TICAM1: variants seen among roughly 807,000 people sequenced by gnomAD.
TICAM1 encodes TIR domain-containing adapter molecule 1.
For missense variants in TICAM1, 895 were observed against 938.2 expected (o/e 0.95, Z 0.60); for synonymous variants, 439 against 415.4 (o/e 1.06, Z -0.69).
chr19:4,823,185 C>G (rs2093600472), intron 1 of TICAM1, among the ~76,000 whole-genome samples: 1 of 151,940 alleles, frequency 6.6e-6, no homozygotes, highest in Non-Finnish European at 1.5e-5. Context: ...CCAGGCATGG[C>G]CAGGCGCAGT....
chr19:4,825,197 T>C (rs2093603706), intron 1 of TICAM1, among the ~76,000 whole-genome samples: 1 of 151,586 alleles, frequency 6.6e-6, no homozygotes, highest in African/African-American at 2.4e-5. Flanking sequence ...GGAGAATTGC[T>C]GGAACCCGGG....
Position 4,818,301 on chromosome 19 carries a change from A to G in TICAM1, c.77T>C (p.Leu26Pro). 6.2e-7 allele frequency: 1 copy of G among 1,612,748 alleles called. No individual in the cohort carries two copies. Among genetic ancestry groups the G allele is most frequent in the Non-Finnish European group, 8.5e-7 (1 of 1,179,978 alleles). ...GAAGQDKLLYLKHKLKTPRPG... is the reference protein window; with the variant it reads ...GAAGQDKLLYPKHKLKTPRPG... ...GCGTGGGGTCTTCAGTTTGTGCTTC[A>G]GATACAAGAGCTTGTCCTGGCCTGC... The change falls in exon 2 of 2, where the codon CTG becomes CCG. Residue 26 changes from leucine (L) to proline (P), a missense_variant. Leu to Pro is a moderately conservative substitution (Grantham distance 98). Transcript: ENST00000248244. This position sits in a 1 kb window ranked among gnomAD's most constrained non-coding sequence, Gnocchi z 4.0.
chr19:4,828,416 T>A (rs1009403307), intron 1 of TICAM1, among the ~76,000 whole-genome samples: 4 of 151,824 alleles, frequency 2.6e-5, no homozygotes, highest in African/African-American at 9.7e-5. Flanking sequence ...ATTAATGTTT[T>A]GTAGGGACGG....
chr19:4,817,488 C>G lies in TICAM1; in HGVS notation c.890G>C (p.Ser297Thr). The G allele has an allele frequency of 1.9e-6, 3 of 1,613,974 alleles. No individual in the cohort carries two copies. The highest frequency in any genetic ancestry group is 2.5e-6 in the Non-Finnish European group (3 of 1,179,970). ...GGTGCACTCCACTGGGTAGTTGGTG[C>G]TGGTTTCTGGAGCTGCGGGGGTATC... The part of the protein sequence containing the change: ...LPDTPAAPET[S>T]TNYPVECTEG... The change falls in exon 2 of 2, where the codon AGC (serine) becomes ACC (threonine). Residue 297 changes from serine to threonine, a missense_variant. By Grantham distance (58) the Ser-to-Thr change is moderately conservative. Transcript: ENST00000248244. This position sits in a 1 kb window ranked among gnomAD's most constrained non-coding sequence, Gnocchi z 4.7.
intron 1 of TICAM1, among the ~76,000 whole-genome samples, chr19:4,822,561 A>G (rs183375285): frequency 7.7e-4 from 118 of 152,260 alleles, no homozygotes; most frequent in African/African-American, 2.7e-3. Context: ...TTATAAATAA[A>G]GTTTTATTGC....
Position 4,816,433 on chromosome 19 carries a change from C to T in TICAM1, c.1945G>A (p.Ala649Thr). The T allele has an allele frequency of 6.6e-7, 1 of 1,510,178 alleles. No homozygotes were observed. Among genetic ancestry groups the T allele is most frequent in the South Asian group, 1.2e-5 (1 of 81,540 alleles). 93.5% of individuals were successfully genotyped at this position (1,510,178 alleles called of 1,614,324 possible). The change falls in exon 2 of 2, where the codon GCA (alanine) becomes ACA (threonine). Residue 649 changes from alanine to threonine, a missense_variant. Transcript: ENST00000248244. The surrounding 1 kb of genome is among the most constrained non-coding windows in gnomAD (Gnocchi z 4.3). ...GTPPPPSPQP[A>T]AFPQSLPFPQ... Reference sequence around the variant, plus strand: ...AAGGGCAGTGACTGTGGAAAGGCTGCTGGCTGTGGGGAGGGCGGTGGGGGG... The same window carrying T: ...AAGGGCAGTGACTGTGGAAAGGCTGTTGGCTGTGGGGAGGGCGGTGGGGGG...
chr19:4,822,022 A>G (rs1328228518), intron 1 of TICAM1, among the ~76,000 whole-genome samples: 2 of 144,930 alleles, frequency 1.4e-5, no homozygotes, highest in Non-Finnish European at 3.0e-5. Flanking sequence ...CGTAACCTCC[A>G]CCTCCCGGAT....
chr19:4,831,462 C>T (rs1473994686), intron 1 of TICAM1, among the ~76,000 whole-genome samples, 152 bp downstream of exon 1: 4 of 152,002 alleles, frequency 2.6e-5, no homozygotes, highest in Admixed American at 6.5e-5. Flanking sequence ...AACCTCCCAA[C>T]GCGCGGCGCC....
In TICAM1 at chr19:4,818,129, G is replaced by T; in HGVS notation, c.249C>A (p.Thr83=). The T allele has an allele frequency of 6.2e-7, 1 of 1,608,928 alleles. No homozygotes were observed. ...VARQWAGVDS[T]EDPEEPPDVS... The stretch of plus-strand genomic sequence containing the variant: ...CATCTGGGGGCTCCTCTGGGTCCTC[G>T]GTGCTGTCCACGCCAGCCCACTGGC... Residue 83 remains threonine, a synonymous_variant, in exon 2 of 2, where the codon ACC becomes ACA. Coordinates refer to ENST00000248244, the MANE Select transcript of TICAM1 (RefSeq NM_182919.4). The surrounding 1 kb of genome is among the most constrained non-coding windows in gnomAD (Gnocchi z 4.0).
Position 4,816,385 on chromosome 19 carries a change from T to C in TICAM1, c.1993A>G (p.Thr665Ala). ...LPFPQSPAFP[T>A]ASPAPPQSPG... ...CTCTGAGGGGGTGCGGGTGAGGCCG[T>C]AGGGAAGGCTGGGGACTGCGGGAAG... The change falls in exon 2 of 2, where the codon ACG (threonine) becomes GCG (alanine). Residue 665 changes from threonine to alanine, a missense_variant. Thr to Ala is a moderately conservative substitution (Grantham distance 58). Coordinates refer to ENST00000248244, the MANE Select transcript of TICAM1 (RefSeq NM_182919.4). The surrounding 1 kb of genome is among the most constrained non-coding windows in gnomAD (Gnocchi z 4.3). 1 of 1,584,944 alleles carries C rather than the reference T, an allele frequency of 6.3e-7. No individual in the cohort carries two copies. Among genetic ancestry groups the C allele is most frequent in the Non-Finnish European group, 8.6e-7 (1 of 1,166,806 alleles).
At position 4,815,966 on chromosome 19, in the gene TICAM1, C is replaced by A. The variant is rs753476284; in HGVS notation, c.*273G>T. 10 of 352,170 alleles carry A rather than the reference C, an allele frequency of 2.8e-5. No individual in the cohort carries two copies. The highest frequency in any genetic ancestry group is 4.0e-5 in the Non-Finnish European group (8 of 199,056). 21.8% of individuals were successfully genotyped at this position (352,170 alleles called of 1,614,324 possible). A position where few individuals can be genotyped will look rare whatever the true frequency, so the allele number is the denominator to read the frequency against. On this transcript the variant is annotated 3_prime_UTR_variant, in exon 2 of 2. Transcript: ENST00000248244. The stretch of plus-strand genomic sequence containing the variant: ...TAAATATTTATTATAATTAAAAGAC[C>A]GTAGCAATACCCCCACCACCAAGAC...
chr19:4,829,252 C>A (rs1044055857), intron 1 of TICAM1, among the ~76,000 whole-genome samples: 7 of 152,202 alleles, frequency 4.6e-5, no homozygotes, highest in Non-Finnish European at 1.0e-4. Context: ...CACGACAAAG[C>A]CAGCCAGACT....
At chr19:4,825,696 G>T (rs1018095101) in intron 1 of TICAM1, among the ~76,000 whole-genome samples, 2 of 151,542 alleles carry the variant, frequency 1.3e-5, no homozygotes, top group African/African-American at 4.8e-5. Context: ...GGTGGCTCAC[G>T]CCTGTAATCC....
intron 1 of TICAM1, among the ~76,000 whole-genome samples, chr19:4,820,147 G>A (rs897696737): frequency 4.6e-5 from 7 of 151,948 alleles, no homozygotes; most frequent in Non-Finnish European, 8.8e-5. Context: ...TGGGCCAGGC[G>A]CAGTGGCTCA....
rs2093592353 is a variant in TICAM1, at chr19:4,818,773, C to A, written c.-139-257G>T. 6.6e-6 allele frequency among the ~76,000 whole-genome samples: 1 copy of A among 152,044 alleles called. No individual in the cohort carries two copies. Among genetic ancestry groups the A allele is most frequent in the Admixed American group, 6.6e-5 (1 of 15,230 alleles). On this transcript the variant is annotated intron_variant, in intron 1 of 1. Coordinates refer to ENST00000248244, the MANE Select transcript of TICAM1 (RefSeq NM_182919.4). This position sits in a 1 kb window ranked among gnomAD's most constrained non-coding sequence, Gnocchi z 4.0. ...TCACTTAAGCCCAGGACTTCGAGAC[C>A]AGCCTGGGCAACACAGCCAGACTCC...
At chr19:4,830,021 G>A (rs1352512723) in intron 1 of TICAM1, among the ~76,000 whole-genome samples, 4 of 150,554 alleles carry the variant, frequency 2.7e-5, no homozygotes, top group Non-Finnish European at 5.9e-5. Flanking sequence ...ATGTTGGTCA[G>A]GCTGGTCTCA....
chr19:4,820,436 AG>A (rs2093595426), intron 1 of TICAM1, among the ~76,000 whole-genome samples: 1 of 150,080 alleles, frequency 6.7e-6, no homozygotes, highest in African/African-American at 2.4e-5. Context: ...AAAAAAAAAA[AG>A]TTTGGAGCCA....
chr19:4,820,297 G>A (rs1372550829), intron 1 of TICAM1, among the ~76,000 whole-genome samples: 1 of 151,396 alleles, frequency 6.6e-6, no homozygotes, highest in South Asian at 2.1e-4. Flanking sequence ...GCAGGCGCCT[G>A]TAATCCCAGC....
chr19:4,829,078 G>A (rs1033908754), intron 1 of TICAM1, among the ~76,000 whole-genome samples: 5 of 151,972 alleles, frequency 3.3e-5, no homozygotes, highest in Non-Finnish European at 5.9e-5. Flanking sequence ...CAATCGATCC[G>A]CCTGCCTTGG....
Sources: gnomAD v4.1 joint callset for allele counts (sites outside exome capture counted in the v4.1 genomes callset) on GRCh38, gnomAD v4.1.1 for gene constraint, Gnocchi (gnomAD v3.1) non-coding constraint, MANE v1.5 for transcripts, NCBI Gene and HGNC (gene_info 2026-07-23, HGNC 2026-07-21) for gene names.